The following NCAM1 variants were observed in gnomAD, a reference collection of about 807,000 sequenced individuals.
NCAM1 encodes the protein neural cell adhesion molecule 1.
In NCAM1, 14 loss-of-function variants were observed where a neutral mutation model predicts 109.8. The ratio of observed to expected loss-of-function variants is 0.13; its 90% CI spans 0.08 to 0.20. The LOEUF (loss-of-function observed/expected upper bound fraction) is 0.20, where lower values mean the gene tolerates loss of function less well. Ranked by LOEUF, NCAM1 falls within the 10% of genes least tolerant of loss-of-function variation. The pLI is 1.00. For synonymous variants in NCAM1, 418 were observed against 442.9 expected (o/e 0.94, Z 0.70); for missense variants, 774 against 1,109.9 (o/e 0.70, Z 4.30).
intron 1 of NCAM1, among the ~76,000 whole-genome samples, chr11:113,002,904 A>G (rs1951794020): frequency 1.3e-5 from 2 of 152,234 alleles, no homozygotes; most frequent in Admixed American, 6.5e-5. Context: ...GTTAATTACC[A>G]TTGAGAGAAA....
At chr11:113,205,692 G>T (rs1196782843) in intron 4 of NCAM1, 26 bp downstream of exon 4, 1 of 1,606,288 alleles carries the variant, frequency 6.2e-7, no homozygotes, top group African/African-American at 1.3e-5. Context: ...CCTGGCATCT[G>T]CCTTTTCCCC....
At chr11:113,236,411 A>G in intron 14 of NCAM1, 1 of 1,333,752 alleles carries the variant, frequency 7.5e-7, no homozygotes, top group South Asian at 1.2e-5. Flanking sequence ...TTTGTCCCCT[A>G]GAGGCTGAAG....
intron 15 of NCAM1, among the ~76,000 whole-genome samples, chr11:113,251,447 A>T (rs1478415347): frequency 1.3e-5 from 2 of 152,210 alleles, no homozygotes; most frequent in African/African-American, 4.8e-5. Flanking sequence ...GGAGAATTTC[A>T]TAGGACCTGC....
chr11:113,071,046 G>A (rs1938238810), intron 1 of NCAM1, among the ~76,000 whole-genome samples: 1 of 152,168 alleles, frequency 6.6e-6, no homozygotes, highest in African/African-American at 2.4e-5. Flanking sequence ...GTGTGGTAGA[G>A]AGATGAGGGC....
intron 1 of NCAM1, among the ~76,000 whole-genome samples, chr11:113,009,318 T>TTTTTGTTG (rs1565379652): frequency 1.9e-5 from 2 of 104,296 alleles, no homozygotes; most frequent in African/African-American, 7.2e-5. Flanking sequence ...TCGGGTTTTT[T>TTTTTGTTG]TTTTTTTTTT....
At chr11:113,231,084 T>C in intron 9 of NCAM1, 1 of 1,070,400 alleles carries the variant, frequency 9.3e-7, no homozygotes, top group Admixed American at 2.3e-5. Context: ...TTGTTTGGCT[T>C]GTTTTTACAT....
chr11:113,235,278 G>T, intron 14 of NCAM1, 114 bp downstream of exon 14: 1 of 1,599,858 alleles, frequency 6.3e-7, no homozygotes. Flanking sequence ...TTGTCTTTCA[G>T]ATCCCTCTGC....
In NCAM1 at chr11:113,202,506, G is replaced by A. The variant is rs559682484; in HGVS notation, c.127+53G>A. On this transcript the variant is annotated intron_variant, in intron 2 of 19. Coordinates refer to ENST00000316851, the MANE Select transcript of NCAM1 (RefSeq NM_181351.5). ...TAGAACTTGCTTCAGAAACTCACTG[G>A]GTAGAGCAGGAGCCCTCAGGCCATG... is the stretch of plus-strand genomic sequence containing the variant. 6 of 1,511,552 alleles carry A rather than the reference G, an allele frequency of 4.0e-6. No individual in the cohort carries two copies. The African/African-American group carries it at 5.6e-5, about 14-fold the overall frequency. 93.6% of individuals were successfully genotyped at this position (1,511,552 alleles called of 1,614,324 possible).
intron 1 of NCAM1, among the ~76,000 whole-genome samples, chr11:113,188,610 A>T (rs1676284790): frequency 6.6e-6 from 1 of 152,180 alleles, no homozygotes; most frequent in South Asian, 2.1e-4. Flanking sequence ...TTGGAATAGA[A>T]ACTAGTTATT....
At chr11:113,003,561 A>T (rs932934026) in intron 1 of NCAM1, among the ~76,000 whole-genome samples, 1 of 152,126 alleles carries the variant, frequency 6.6e-6, no homozygotes, top group Non-Finnish European at 1.5e-5. Context: ...GCTTGTTCAG[A>T]TTTATCTTAT....
chr11:113,007,136 C>T (rs1555073449), intron 1 of NCAM1, among the ~76,000 whole-genome samples: 1 of 152,076 alleles, frequency 6.6e-6, no homozygotes, highest in East Asian at 1.9e-4. Flanking sequence ...CAGGTTAGGA[C>T]CTATTGTCTA....
intron 1 of NCAM1, among the ~76,000 whole-genome samples, chr11:112,993,351 G>C (rs1220304530): frequency 1.3e-5 from 2 of 152,152 alleles, no homozygotes; most frequent in Non-Finnish European, 2.9e-5. Flanking sequence ...TAAATGACCA[G>C]ATCTTGTGAG....
chr11:113,087,593 A>G (rs1349008745), intron 1 of NCAM1, among the ~76,000 whole-genome samples: 1 of 152,216 alleles, frequency 6.6e-6, no homozygotes, highest in Non-Finnish European at 1.5e-5. Flanking sequence ...GATGGCATGC[A>G]GCTAACTTAA....
chr11:113,225,146 G>A (rs180811904), intron 9 of NCAM1, among the ~76,000 whole-genome samples: 4 of 152,260 alleles, frequency 2.6e-5, no homozygotes, highest in Admixed American at 2.0e-4. Flanking sequence ...AGCTAAAGGA[G>A]GAAGTTCGAA....
chr11:112,984,263 C>CATAT, intron 1 of NCAM1, among the ~76,000 whole-genome samples: 1 of 151,672 alleles, frequency 6.6e-6, no homozygotes, highest in Middle Eastern at 3.4e-3. Context: ...GAATAATATT[C>CATAT]ATATATATAT....
intron 1 of NCAM1, among the ~76,000 whole-genome samples, chr11:113,146,976 A>G (rs1942041863): frequency 6.6e-6 from 1 of 152,168 alleles, no homozygotes; most frequent in Admixed American, 6.5e-5. Flanking sequence ...GCTGTTCAGG[A>G]ATGGGCGTGC....
chr11:113,109,874 T>C (rs781928488), intron 1 of NCAM1, among the ~76,000 whole-genome samples: 2 of 152,122 alleles, frequency 1.3e-5, no homozygotes, highest in African/African-American at 2.4e-5. Flanking sequence ...GACCTGATGT[T>C]TGGGAGATCA....
At chr11:113,176,989 C>T (rs1055980898) in intron 1 of NCAM1, among the ~76,000 whole-genome samples, 5 of 152,176 alleles carry the variant, frequency 3.3e-5, no homozygotes, top group Non-Finnish European at 5.9e-5. Flanking sequence ...GAATTATAAA[C>T]TTGACTTTGC....
rs963160994 is a variant in NCAM1 at position 113,277,456 on chromosome 11, A to T, written c.*2069A>T. On this transcript the variant is annotated 3_prime_UTR_variant, in exon 20 of 20. Coordinates refer to ENST00000316851, the MANE Select transcript of NCAM1 (RefSeq NM_181351.5). ...AATGCACAGGCCCTCAGAATAGAGG[A>T]ACATGAAGAGAGATCTTAGAGCACA... 2.5e-6 allele frequency: 1 copy of T among 398,950 alleles called. No homozygotes were observed. Among genetic ancestry groups the T allele is most frequent in the South Asian group, 1.3e-4 (1 of 7,858 alleles). The allele number at this position is 398,950 out of a possible 1,614,324, so 24.7% of individuals were successfully genotyped here.
Sources: gnomAD v4.1 joint callset for allele counts (sites outside exome capture counted in the v4.1 genomes callset) on GRCh38, gnomAD v4.1.1 for gene constraint, MANE v1.5 for transcripts, NCBI Gene and HGNC (gene_info 2026-07-23, HGNC 2026-07-21) for gene names.